USP8: variants seen among roughly 807,000 people sequenced by gnomAD.
The protein encoded by USP8 is ubiquitin carboxyl-terminal hydrolase 8.
Under a neutral mutation model 130.0 loss-of-function variants are expected in USP8, and 27 were observed. The ratio of observed to expected loss-of-function variants is 0.21; its 90% CI spans 0.15 to 0.29. The LOEUF (loss-of-function observed/expected upper bound fraction) is 0.29. Among genes scored for constraint, USP8 ranks in the 10% least tolerant of loss-of-function variants. The pLI, the probability that USP8 is intolerant of heterozygous loss-of-function variation, is 1.00. For missense variants in USP8, 1,029 were observed against 1,312.2 expected (o/e 0.78, Z 3.33); for synonymous variants, 392 against 444.1 (o/e 0.88, Z 1.48).
chr15:50,424,886 G>A (rs1350089326), intron 1 of USP8, among the ~76,000 whole-genome samples: 1 of 149,270 alleles, frequency 6.7e-6, no homozygotes, highest in Non-Finnish European at 1.5e-5. Flanking sequence ...TCCTAAAACT[G>A]TTTCCCAGTT....
intron 6 of USP8, among the ~76,000 whole-genome samples, chr15:50,462,975 C>T (rs2051060249): frequency 1.3e-5 from 2 of 152,026 alleles, no homozygotes; most frequent in African/African-American, 4.8e-5. Flanking sequence ...AGGCCAGGCG[C>T]AGTGGCTCAT....
chr15:50,500,899 A>T lies in USP8; in HGVS notation c.*1811A>T. On this transcript the variant is annotated 3_prime_UTR_variant, in exon 20 of 20. Coordinates refer to ENST00000307179, the MANE Select transcript of USP8 (RefSeq NM_005154.5). ...TATGAACACTAACTACTGGAACAGA[A>T]ATGATAGGGCCAAGAGATGCTTTTT... 1 of 1,284,388 alleles carries T rather than the reference A, an allele frequency of 7.8e-7. No homozygotes were observed. Among genetic ancestry groups the T allele is most frequent in the Non-Finnish European group, 1.1e-6 (1 of 904,322 alleles). The allele number at this position is 1,284,388 out of a possible 1,614,324, so 79.6% of individuals were successfully genotyped here.
At chr15:50,432,765 G>T (rs759417708) in intron 1 of USP8, among the ~76,000 whole-genome samples, 5 of 152,192 alleles carry the variant, frequency 3.3e-5, no homozygotes, top group Non-Finnish European at 7.4e-5. Context: ...GTGTGACATA[G>T]TCTGATGTTT....
At chr15:50,454,393 A>ATT (rs1349596431) in intron 4 of USP8, among the ~76,000 whole-genome samples, 16 of 143,050 alleles carry the variant, frequency 1.1e-4, no homozygotes, top group African/African-American at 3.9e-4. Flanking sequence ...TGTTCTTTTT[A>ATT]TTTTGTTTTG....
chr15:50,438,437 A>G (rs1047595432), intron 1 of USP8, among the ~76,000 whole-genome samples: 2 of 152,186 alleles, frequency 1.3e-5, no homozygotes, highest in Non-Finnish European at 2.9e-5. Flanking sequence ...CACAAAAACT[A>G]GCTGGGGGCA....
chr15:50,502,018 C>T lies in USP8; in HGVS notation c.*2930C>T, dbSNP rs1319050842. On this transcript the variant is annotated 3_prime_UTR_variant, in exon 20 of 20. Transcript: ENST00000307179. ...AATAGTTGCAGCCAATACCATATGG[C>T]TTATGAGGCCTAAAATATTTACTGT... The T allele has an allele frequency of 1.3e-5, 2 of 152,176 alleles. No homozygotes were observed. The highest frequency in any genetic ancestry group is 2.4e-5 in the African/African-American group (1 of 41,432). 9.4% of individuals were successfully genotyped at this position (152,176 alleles called of 1,614,324 possible).
Position 50,494,237 on chromosome 15 carries a change from T to C in USP8, c.2615T>C (p.Leu872Ser). Residue 872 changes from leucine (L) to serine (S), a missense_variant, in exon 16 of 20, where the codon TTG (leucine) becomes TCG (serine). Physicochemically the swap from Leu to Ser is moderately radical, Grantham distance 145. Around this residue, in one of 4 missense-constraint regions of USP8, gnomAD observed 257 missense variants for 429.8 expected, o/e 0.60. Coordinates refer to ENST00000307179, the MANE Select transcript of USP8 (RefSeq NM_005154.5). ...TACAGTCAGCAAGATTCACAAGAAT[T>C]GCTTCTGTTCCTAATGGATGGTCTC... ...AGYSQQDSQE[L>S]LLFLMDGLHE... 1 of 1,613,010 alleles carries C rather than the reference T, an allele frequency of 6.2e-7. No individual in the cohort carries two copies. Among genetic ancestry groups the C allele is most frequent in the Non-Finnish European group, 8.5e-7 (1 of 1,179,790 alleles).
At chr15:50,465,445 G>A (rs2051157934) in intron 7 of USP8, among the ~76,000 whole-genome samples, 1 of 152,176 alleles carries the variant, frequency 6.6e-6, no homozygotes, top group African/African-American at 2.4e-5. Flanking sequence ...AGTGAGGGGT[G>A]CCCAAGTGGG....
At chr15:50,447,898 C>T (rs1329858333) in intron 3 of USP8, among the ~76,000 whole-genome samples, 1 of 151,958 alleles carries the variant, frequency 6.6e-6, no homozygotes, top group Non-Finnish European at 1.5e-5. Flanking sequence ...CTACCGTGCC[C>T]AGCCTAATTT....
At chr15:50,466,032 C>A (rs1389848220) in intron 7 of USP8, among the ~76,000 whole-genome samples, 1 of 152,040 alleles carries the variant, frequency 6.6e-6, no homozygotes, top group African/African-American at 2.4e-5. Flanking sequence ...GTAAGAAGGC[C>A]TTTAACCTAT....
At chr15:50,482,831 C>T (rs1484195456) in intron 11 of USP8, among the ~76,000 whole-genome samples, 1 of 152,032 alleles carries the variant, frequency 6.6e-6, no homozygotes, top group Non-Finnish European at 1.5e-5. Context: ...TAATGGAAGG[C>T]GGGATACCAT....
Position 50,513,926 on chromosome 15 carries a change from A to T in USP8, c.*14838A>T, listed in dbSNP as rs1212016729. ...GAGTTTCACTCCTAGGTATGTACTCAAAAGAACTGTGTACACTATGTTCAC... is the reference window on the plus strand; with the variant it reads ...GAGTTTCACTCCTAGGTATGTACTCTAAAGAACTGTGTACACTATGTTCAC... On this transcript the variant is annotated 3_prime_UTR_variant, in exon 20 of 20. Transcript: ENST00000307179. 1 of 152,212 alleles carries T rather than the reference A, an allele frequency of 6.6e-6. No homozygotes were observed. The highest frequency in any genetic ancestry group is 2.4e-5 in the African/African-American group (1 of 41,450). The allele number at this position is 152,212 out of a possible 1,614,324, so 9.4% of individuals were successfully genotyped here.
intron 1 of USP8, among the ~76,000 whole-genome samples, chr15:50,433,105 G>A (rs2049980755): frequency 6.6e-6 from 1 of 152,116 alleles, no homozygotes; most frequent in Non-Finnish European, 1.5e-5. Flanking sequence ...GTGGGGCATG[G>A]TGGCGGGGCG....
rs2141317094 is a variant in USP8, at chr15:50,490,253, T to C, written c.1972-10T>C. On this transcript the variant is annotated splice_polypyrimidine_tract_variant and intron_variant, in intron 13 of 19. Transcript: ENST00000307179. ...TTTTGACCTGTTTTTTTTTTTCTTT[T>C]CCATCTAAGTTTCTTGACCCAATCA... is the stretch of plus-strand genomic sequence containing the variant. The C allele has an allele frequency of 6.3e-7, 1 of 1,581,172 alleles. No homozygotes were observed. Among genetic ancestry groups the C allele is most frequent in the Non-Finnish European group, 8.6e-7 (1 of 1,169,064 alleles).
At chr15:50,465,565 G>T (rs530487261) in intron 7 of USP8, among the ~76,000 whole-genome samples, 1 of 152,192 alleles carries the variant, frequency 6.6e-6, no homozygotes, top group African/African-American at 2.4e-5. Flanking sequence ...GTGGTATTTA[G>T]AATCTTATCA....
intron 8 of USP8, among the ~76,000 whole-genome samples, chr15:50,473,725 C>A (rs560797668): frequency 6.6e-6 from 1 of 151,864 alleles, no homozygotes; most frequent in African/African-American, 2.4e-5. Context: ...TCTCAAACTC[C>A]TGGCCTCAAG....
chr15:50,447,763 CT>C (rs1595916574), intron 3 of USP8, among the ~76,000 whole-genome samples: 12 of 144,430 alleles, frequency 8.3e-5, no homozygotes, highest in South Asian at 2.2e-4. Flanking sequence ...TTTTTTTTGT[CT>C]TTTTTTTTTC....
chr15:50,468,324 C>T (rs1211460740), intron 7 of USP8, among the ~76,000 whole-genome samples: 1 of 150,742 alleles, frequency 6.6e-6, no homozygotes, highest in Non-Finnish European at 1.5e-5. Context: ...CAACCTCTGC[C>T]TTCTGGGTTC....
At chr15:50,432,208 T>G (rs1203753565) in intron 1 of USP8, 2 of 152,212 alleles carry the variant, frequency 1.3e-5, no homozygotes, top group South Asian at 2.1e-4. Flanking sequence ...TTGTTTCTTC[T>G]TGTAGCTGAG....
Sources: allele counts gnomAD v4.1 joint callset (sites outside exome capture counted in the v4.1 genomes callset), GRCh38; gene constraint gnomAD v4.1.1; regional missense constraint gnomAD v4.1.1; transcripts MANE v1.5; gene names NCBI Gene and HGNC (gene_info 2026-07-23, HGNC 2026-07-21).